The following C2orf92 variants were observed in gnomAD, a reference collection of about 807,000 sequenced individuals.
C2orf92 encodes the protein uncharacterized protein C2orf92.
At chr2:97,685,650 C>T (rs1451068259) in intron 3 of C2orf92, among the ~76,000 whole-genome samples, 3 of 152,024 alleles carry the variant, frequency 2.0e-5, no homozygotes, top group African/African-American at 7.3e-5. Flanking sequence ...GCAACCTCCA[C>T]CTCCCAAGTT....
chr2:97,677,881 A>G (rs1675634619), intron 3 of C2orf92: 1 of 152,238 alleles, frequency 6.6e-6, no homozygotes, highest in Non-Finnish European at 1.5e-5. Context: ...AAATTATTGA[A>G]AAGAGCCAAA....
chr2:97,675,749 C>T lies in C2orf92; in HGVS notation c.149-96C>T, dbSNP rs886143987. ...GGGTTCAGGCCAAGTGCATGATGCTCACCTCAAAATCCCGTGCAGAAGAGT... is the reference window on the plus strand; with the variant it reads ...GGGTTCAGGCCAAGTGCATGATGCTTACCTCAAAATCCCGTGCAGAAGAGT... On this transcript the variant is annotated intron_variant, in intron 2 of 7. Transcript: ENST00000627399. The T allele has an allele frequency of 1.0e-5, 4 of 398,376 alleles. No homozygotes were observed. In the East Asian group the frequency reaches 1.1e-4, roughly 11 times the overall value. 24.7% of individuals were successfully genotyped at this position (398,376 alleles called of 1,614,324 possible).
intron 6 of C2orf92, among the ~76,000 whole-genome samples, chr2:97,699,593 G>A (rs905816377): frequency 3.5e-4 from 53 of 152,162 alleles, no homozygotes; most frequent in African/African-American, 1.1e-3. Context: ...CAACAAGAGC[G>A]AGACTCAATC....
chr2:97,692,097 A>G (rs755198648), intron 5 of C2orf92, among the ~76,000 whole-genome samples: 1 of 152,196 alleles, frequency 6.6e-6, no homozygotes, highest in Non-Finnish European at 1.5e-5. Flanking sequence ...TTATACTACA[A>G]TATTCACTGT....
At chr2:97,700,741 T>G (rs2104609122) in intron 6 of C2orf92, among the ~76,000 whole-genome samples, 1 of 151,756 alleles carries the variant, frequency 6.6e-6, no homozygotes, top group African/African-American at 2.4e-5. Flanking sequence ...TTTTTTTTTT[T>G]GAGATGGAGT....
intron 1 of C2orf92, among the ~76,000 whole-genome samples, chr2:97,672,780 A>C (rs1177595340): frequency 6.6e-6 from 1 of 151,490 alleles, no homozygotes; most frequent in Non-Finnish European, 1.5e-5. Context: ...GCAGCTCCTC[A>C]TTGTCCTGGT....
At chr2:97,676,449 G>GA (rs58388976) in intron 3 of C2orf92, among the ~76,000 whole-genome samples, 39 of 99,158 alleles carry the variant, frequency 3.9e-4, no homozygotes, top group Middle Eastern at 8.8e-3. Context: ...AAAAAAAAAA[G>GA]AAAAAAAAAA....
Position 97,686,612 on chromosome 2 carries a change from G to A in C2orf92, c.233-2283G>A, listed in dbSNP as rs556007165. ...TTTTTTGTATCTTTAATAGAGATGG[G>A]GTTTCACCATGTTGGCCAGGCTGGT... On this transcript the variant is annotated intron_variant, in intron 3 of 7. Transcript: ENST00000627399. 6.6e-5 allele frequency among the ~76,000 whole-genome samples: 10 copies of A among 152,118 alleles called. No homozygotes were observed. In the South Asian group the frequency reaches 2.1e-3, roughly 32 times the overall value.
intron 3 of C2orf92, among the ~76,000 whole-genome samples, chr2:97,678,807 TAA>T (rs58050567): frequency 2.2e-4 from 24 of 110,118 alleles, no homozygotes; most frequent in Admixed American, 2.9e-4. Flanking sequence ...CTGTTTCTAC[TAA>T]AAAAAAAAAA....
rs58856044 is a variant in C2orf92, at chr2:97,681,106, C to CAAAA, written c.232+5202_232+5205dup. Reference sequence around the variant, plus strand: ...CAGGAGACAGAGCGAGACTCCATCTCAAAAAAAAAAAAAAAAAAAAAAAAA... The same window carrying CAAAA: ...CAGGAGACAGAGCGAGACTCCATCTCAAAAAAAAAAAAAAAAAAAAAAAAAAAAA... On this transcript the variant is annotated intron_variant, in intron 3 of 7. Coordinates refer to ENST00000627399, the MANE Select transcript of C2orf92 (RefSeq NM_001351368.2). 1.4e-3 allele frequency among the ~76,000 whole-genome samples: 17 copies of CAAAA among 11,962 alleles called. 1 individual carries two copies. Among genetic ancestry groups the CAAAA allele is most frequent in the East Asian group, 3.0e-3 (1 of 332 alleles). 7.8% of individuals were successfully genotyped at this position (11,962 alleles called of 152,430 possible). A position where few individuals can be genotyped will look rare whatever the true frequency, so the allele number is the denominator to read the frequency against.
rs1446726484 is a variant in C2orf92 at position 97,679,699 on chromosome 2, G to A, written c.232+3771G>A. On this transcript the variant is annotated intron_variant, in intron 3 of 7. Coordinates refer to ENST00000627399, the MANE Select transcript of C2orf92 (RefSeq NM_001351368.2). ...TCTACTAAAAATACAAAAATTAGCC[G>A]GGCAGCAGGTGCCTGTAATCCCAGC... Among the ~76,000 whole-genome samples, 13 of 150,964 alleles carry A rather than the reference G, an allele frequency of 8.6e-5. No individual in the cohort carries two copies. The East Asian group carries it at 2.6e-3, about 30-fold the overall frequency.
At chr2:97,694,928 C>T (rs1034336128) in intron 5 of C2orf92, among the ~76,000 whole-genome samples, 2 of 152,216 alleles carry the variant, frequency 1.3e-5, no homozygotes, top group Non-Finnish European at 2.9e-5. Context: ...TTTTCAAGTA[C>T]TATTGGCCAT....
chr2:97,668,225 G>C (rs531937783), upstream of C2orf92: 43 of 152,112 alleles, frequency 2.8e-4, no homozygotes, highest in African/African-American at 1.0e-3. Context: ...GTATTTTAGA[G>C]AAATAAGATT....
rs17029878 is a variant in C2orf92, at chr2:97,701,202, A to T, written c.563A>T (p.Gln188Leu). The T allele has an allele frequency of 0.022, 8,585 of 399,058 alleles. 596 individuals are homozygous for T. Among genetic ancestry groups the T allele is most frequent in the African/African-American group, 0.15 (7,536 of 48,726 alleles). 24.7% of individuals were successfully genotyped at this position (399,058 alleles called of 1,614,324 possible). ...TGCGGGCAGCTTCTGCACTTCCTGC[A>T]GAGGAACACCATCATCGCCGCCGTC... The part of the protein sequence containing the change: ...MPCGQLLHFL[Q>L]RNTIIAAVSG... The change falls in exon 7 of 8, where the codon CAG becomes CTG. Residue 188 changes from glutamine to leucine, a missense_variant. Transcript: ENST00000627399.
chr2:97,699,251 G>A (rs1267718307), intron 6 of C2orf92, 115 bp downstream of exon 6: 2 of 394,014 alleles, frequency 5.1e-6, no homozygotes, highest in Non-Finnish European at 8.9e-6. Flanking sequence ...ACCCGCTAAA[G>A]TGAATTAAAT....
At chr2:97,667,339 T>C (rs1675268258), upstream of C2orf92, among the ~76,000 whole-genome samples, 1 of 149,674 alleles carries the variant, frequency 6.7e-6, no homozygotes, top group South Asian at 2.1e-4. Flanking sequence ...CTGGGCTCAC[T>C]GCAACCTCCA....
At chr2:97,691,475 C>G (rs111465343) in intron 5 of C2orf92, among the ~76,000 whole-genome samples, 25 of 152,196 alleles carry the variant, frequency 1.6e-4, no homozygotes, top group Non-Finnish European at 3.2e-4. Flanking sequence ...TCTGAGCTAT[C>G]TGATCATGCT....
chr2:97,665,773 A>G (rs1049597749), upstream of C2orf92: 106 of 98,030 alleles, frequency 1.1e-3, no homozygotes, highest in African/African-American at 4.2e-3. Context: ...ATATATATAT[A>G]TTTTGTTTTG....
chr2:97,698,872 C>T (rs1676400701), intron 5 of C2orf92, among the ~76,000 whole-genome samples, 154 bp from the exon 6 acceptor site: 1 of 152,188 alleles, frequency 6.6e-6, no homozygotes, highest in African/African-American at 2.4e-5. Flanking sequence ...CAATAAAACA[C>T]CAAAACACTG....
Sources: gnomAD v4.1 joint callset for allele counts (sites outside exome capture counted in the v4.1 genomes callset) on GRCh38, gnomAD v4.1.1 for gene constraint, MANE v1.5 for transcripts, NCBI Gene and HGNC (gene_info 2026-07-23, HGNC 2026-07-21) for gene names.